The following PRCP variants were observed in gnomAD, a reference collection of about 807,000 sequenced individuals.
PRCP encodes prolylcarboxypeptidase, also known as lysosomal Pro-X carboxypeptidase.
PRCP carries 46 observed loss-of-function variants against 54.2 expected under a neutral mutation model. That is an observed-to-expected ratio of 0.85 (90% CI 0.67 to 1.09). The LOEUF (loss-of-function observed/expected upper bound fraction) is 1.09, where lower values mean the gene tolerates loss of function less well. Ranked by LOEUF, PRCP falls within the 50% of genes least tolerant of loss-of-function variation. PRCP has a pLI of 0.00. For synonymous variants in PRCP, 240 were observed against 212.2 expected, an observed-to-expected ratio of 1.13 and a Z score of -1.14; for missense variants, 613 against 596.8, an observed-to-expected ratio of 1.03 and a Z score of -0.28.
intron 2 of PRCP, among the ~76,000 whole-genome samples, chr11:82,854,331 A>C (rs1859028632): frequency 6.6e-6 from 1 of 152,186 alleles, no homozygotes; most frequent in Non-Finnish European, 1.5e-5. Flanking sequence ...TTAATGTATA[A>C]AAATCAGTAG....
At chr11:82,879,893 G>A (rs1859704002) in intron 1 of PRCP, among the ~76,000 whole-genome samples, 1 of 152,174 alleles carries the variant, frequency 6.6e-6, no homozygotes, top group African/African-American at 2.4e-5. Context: ...TCCTTCCTCT[G>A]GAAGCTTTGT....
intron 1 of PRCP, 45 bp downstream of exon 1, chr11:82,900,190 C>G (rs761466145): frequency 1.9e-6 from 3 of 1,605,146 alleles, no homozygotes; most frequent in Non-Finnish European, 2.6e-6. Flanking sequence ...GGTCAGGGTT[C>G]CCGGCGGTTG....
At chr11:82,845,065 G>T (rs555202446) in intron 6 of PRCP, among the ~76,000 whole-genome samples, 1 of 150,374 alleles carries the variant, frequency 6.7e-6, no homozygotes, top group East Asian at 1.9e-4. Context: ...TAAAATAGTA[G>T]AGTGATACGG....
chr11:82,900,029 C>T, intron 1 of PRCP: 4 of 633,368 alleles, frequency 6.3e-6, no homozygotes, highest in Non-Finnish European at 8.0e-6. Flanking sequence ...GCAGCCAAAA[C>T]TACTACCAAA....
chr11:82,873,914 A>T (rs1859536293), intron 1 of PRCP, among the ~76,000 whole-genome samples: 1 of 152,214 alleles, frequency 6.6e-6, no homozygotes, highest in Non-Finnish European at 1.5e-5. Flanking sequence ...GTAATGTCTA[A>T]GTTTTTTCCT....
intron 1 of PRCP, among the ~76,000 whole-genome samples, chr11:82,890,284 C>T (rs1591074164): frequency 6.6e-6 from 1 of 152,310 alleles, no homozygotes. Flanking sequence ...TTCTCACTCT[C>T]AGCTGATGAC....
chr11:82,829,927 A>G (rs1858336055), intron 8 of PRCP: 1 of 152,240 alleles, frequency 6.6e-6, no homozygotes, highest in African/African-American at 2.4e-5. Flanking sequence ...TAGAAATATA[A>G]AGAGATTAAC....
chr11:82,897,943 C>A (rs1271473335), intron 1 of PRCP, among the ~76,000 whole-genome samples: 2 of 152,058 alleles, frequency 1.3e-5, no homozygotes, highest in South Asian at 2.1e-4. Flanking sequence ...AAAAATTAAA[C>A]CTTGAATAAA....
intron 6 of PRCP, among the ~76,000 whole-genome samples, chr11:82,841,766 C>CA (rs1005219554): frequency 2.6e-5 from 4 of 151,848 alleles, no homozygotes; most frequent in African/African-American, 7.3e-5. Context: ...CATGGTAAGT[C>CA]AAAAAAATAC....
intron 6 of PRCP, among the ~76,000 whole-genome samples, chr11:82,844,131 T>C (rs1858743496): frequency 6.6e-6 from 1 of 152,170 alleles, no homozygotes; most frequent in Non-Finnish European, 1.5e-5. Flanking sequence ...TTTAGTGCTT[T>C]TACTTTATAC....
Position 82,860,105 on chromosome 11 carries a change from CA to C in PRCP, c.180del (p.Phe60LeufsTer6). ...TTAAAAGTTTTCACAGTATTAAATCCAAAATGATCAACCTGTGATAAAAACA... is the reference window on the plus strand; with the variant it reads ...TTAAAAGTTTTCACAGTATTAAATCCAAATGATCAACCTGTGATAAAAACA... ...VLYFQQKVDH[F>X]GFNTVKTFNQ... On this transcript the variant is annotated frameshift_variant, in exon 2 of 9. Coordinates refer to ENST00000313010, the MANE Select transcript of PRCP (RefSeq NM_005040.4). LOFTEE classifies it high-confidence loss of function. The C allele has an allele frequency of 6.6e-7, 1 of 1,519,314 alleles. No homozygotes were observed. The highest frequency in any genetic ancestry group is 8.9e-7 in the Non-Finnish European group (1 of 1,129,038). 94.1% of individuals were successfully genotyped at this position (1,519,314 alleles called of 1,614,324 possible).
At chr11:82,891,022 T>C (rs1296519225) in intron 1 of PRCP, among the ~76,000 whole-genome samples, 1 of 152,242 alleles carries the variant, frequency 6.6e-6, no homozygotes, top group African/African-American at 2.4e-5. Context: ...CTCATGGTTT[T>C]ACATACCATC....
At position 82,839,165 on chromosome 11, in the gene PRCP, G is replaced by T. The variant is rs780736071; in HGVS notation, c.1086+96C>A. 2.7e-5 allele frequency: 36 copies of T among 1,323,540 alleles called. No homozygotes were observed. In the South Asian group the frequency reaches 4.0e-4, roughly 15 times the overall value. The allele number at this position is 1,323,540 out of a possible 1,614,324, so 82.0% of individuals were successfully genotyped here. A position where few individuals can be genotyped will look rare whatever the true frequency, so the allele number is the denominator to read the frequency against. On this transcript the variant is annotated intron_variant, in intron 7 of 8. Transcript: ENST00000313010. ...TAACAGAGCCCAAAACTGGATCCAG[G>T]TTAGGTGACAAAATCTTGTGTACCC...
intron 1 of PRCP, 55 bp downstream of exon 1, chr11:82,900,180 G>A: frequency 6.3e-7 from 1 of 1,594,310 alleles, no homozygotes; most frequent in Non-Finnish European, 8.6e-7. Context: ...GGGCTCTGAG[G>A]GTCAGGGTTC....
rs183862056 is a variant in PRCP, at chr11:82,868,743, T to G, written c.169-8626A>C. Among the ~76,000 whole-genome samples the G allele has an allele frequency of 2.6e-5, 4 of 152,148 alleles. No individual in the cohort carries two copies. The East Asian group carries it at 7.7e-4, about 29-fold the overall frequency. ...GAGGGGAAGACATGGGAGATGAGAT[T>G]AGACTCACTGGGCTGCCACAATGGC... is the stretch of plus-strand genomic sequence containing the variant. On this transcript the variant is annotated intron_variant, in intron 1 of 8. Coordinates refer to ENST00000313010, the MANE Select transcript of PRCP (RefSeq NM_005040.4).
At chr11:82,857,750 A>G (rs542842835) in intron 2 of PRCP, among the ~76,000 whole-genome samples, 1 of 152,350 alleles carries the variant, frequency 6.6e-6, no homozygotes, top group South Asian at 2.1e-4. Flanking sequence ...GCATGTAAGG[A>G]TAGAGAATTT....
Position 82,900,269 on chromosome 11 carries a change from G to C in PRCP, c.134C>G (p.Ala45Gly). ...GAAGTAGAGAACCGAATAGTTCTTG[G>C]CTACAGCCGGGAGGGATGTGGGGTT... ...PTNPTSLPAV[A>G]KNYSVLYFQQ... The change falls in exon 1 of 9, where the codon GCC becomes GGC. Residue 45 changes from alanine to glycine, a missense_variant. Ala to Gly is a moderately conservative substitution (Grantham distance 60, BLOSUM62 0). Coordinates refer to ENST00000313010, the MANE Select transcript of PRCP (RefSeq NM_005040.4). 1 of 1,614,222 alleles carries C rather than the reference G, an allele frequency of 6.2e-7. No individual in the cohort carries two copies.
intron 8 of PRCP, chr11:82,835,913 C>T: frequency 2.5e-6 from 1 of 400,760 alleles, no homozygotes. Flanking sequence ...ACAGCTCTAG[C>T]CGGGCGTGGT....
At chr11:82,876,966 T>C (rs1184204185) in intron 1 of PRCP, among the ~76,000 whole-genome samples, 1 of 152,186 alleles carries the variant, frequency 6.6e-6, no homozygotes, top group African/African-American at 2.4e-5. Flanking sequence ...TAGAGACTTG[T>C]TGAATGGCTT....
Sources: allele counts gnomAD v4.1 joint callset (sites outside exome capture counted in the v4.1 genomes callset), GRCh38; gene constraint gnomAD v4.1.1; transcripts MANE v1.5; gene names NCBI Gene and HGNC (gene_info 2026-07-23, HGNC 2026-07-21).